The following NLRP12 variants were observed in gnomAD, a reference collection of about 807,000 sequenced individuals.
The protein encoded by NLRP12 is NLR family pyrin domain containing 12.
Under a neutral mutation model 91.2 loss-of-function variants are expected in NLRP12, and 108 were observed. That is an observed-to-expected ratio of 1.18 (90% CI 1.01 to 1.39). The LOEUF is 1.39. NLRP12 is among the 40% of genes most tolerant of loss of function. The pLI is 0.00. For missense variants in NLRP12, 1,530 were observed against 1,352.7 expected, an observed-to-expected ratio of 1.13 and a Z score of -2.06; for synonymous variants, 613 against 566.7, an observed-to-expected ratio of 1.08 and a Z score of -1.16.
At chr19:53,796,071 A>G in intron 8 of NLRP12, 42 bp from the exon 9 acceptor site, 1 of 1,591,880 alleles carries the variant, frequency 6.3e-7, no homozygotes, top group South Asian at 1.1e-5. Context: ...ACCAGGGGCT[A>G]CTTATGTTAT....
At chr19:53,808,863 C>T (rs1288133608) in intron 3 of NLRP12, among the ~76,000 whole-genome samples, 1 of 152,042 alleles carries the variant, frequency 6.6e-6, no homozygotes, top group Non-Finnish European at 1.5e-5. Flanking sequence ...CCTTTATCCA[C>T]TAGATGTCAG....
rs2122661467 is a variant in NLRP12, at chr19:53,809,974, A to C, written c.1685T>G (p.Phe562Cys). ...ERSFLALTSR[F>C]LFGLLNEETR... ...CTCCTCGTTCAGGAGTCCAAACAGG[A>C]AGCGGCTGGTGAGTGCCAGGAAGCT... The change falls in exon 3 of 10, where the codon TTC becomes TGC. Residue 562 changes from phenylalanine to cysteine, a missense_variant. Physicochemically the swap from Phe to Cys is radical, Grantham distance 205. Coordinates refer to ENST00000324134, the MANE Select transcript of NLRP12 (RefSeq NM_144687.4). The C allele has an allele frequency of 6.2e-7, 1 of 1,614,116 alleles. No individual in the cohort carries two copies. Among genetic ancestry groups the C allele is most frequent in the Non-Finnish European group, 8.5e-7 (1 of 1,180,014 alleles).
intron 1 of NLRP12, among the ~76,000 whole-genome samples, chr19:53,818,694 G>A (rs932517414): frequency 6.6e-6 from 1 of 152,008 alleles, no homozygotes; most frequent in African/African-American, 2.4e-5. Context: ...AATAAAAAAG[G>A]TAATTCTTGA....
intron 1 of NLRP12, among the ~76,000 whole-genome samples, chr19:53,819,447 ATATATATATATGTGTG>A (rs1476589604): frequency 5.9e-5 from 1 of 17,090 alleles, no homozygotes; most frequent in Non-Finnish European, 1.4e-4. Context: ...ATATATATAT[ATATATATATATGTGTG>A]TGTGTGTGTG....
rs1690166860 is a variant in NLRP12 at position 53,794,061 on chromosome 19, G to T, written c.3174C>A (p.Asp1058Glu). ...AALRVTKPYL[D>E]IGC ...CAGATAGGACCATTCAGCAGCCAAT[G>T]TCCAAATAAGGTTTTGTTACTCGAA... is the stretch of plus-strand genomic sequence containing the variant. Residue 1058 changes from aspartate (D) to glutamate (E), a missense_variant, in exon 10 of 10, where the codon GAC becomes GAA. By Grantham distance (45) the Asp-to-Glu change is conservative. Coordinates refer to ENST00000324134, the MANE Select transcript of NLRP12 (RefSeq NM_144687.4). The T allele has an allele frequency of 3.7e-6, 6 of 1,612,906 alleles. No homozygotes were observed. Among genetic ancestry groups the T allele is most frequent in the Middle Eastern group, 1.6e-4 (1 of 6,082 alleles).
At chr19:53,822,637 C>T (rs1300882547) in intron 1 of NLRP12, among the ~76,000 whole-genome samples, 4 of 150,238 alleles carry the variant, frequency 2.7e-5, no homozygotes, top group East Asian at 4.0e-4. Context: ...ACTCGGGATG[C>T]TGAGGCAGAA....
intron 1 of NLRP12, among the ~76,000 whole-genome samples, chr19:53,819,145 C>T (rs1401189556): frequency 1.3e-5 from 2 of 152,048 alleles, no homozygotes; most frequent in Non-Finnish European, 2.9e-5. Context: ...ACTTTTGATT[C>T]TATATTTGTA....
rs997190867 is a variant in NLRP12 at position 53,809,888 on chromosome 19, G to C, written c.1771C>G (p.Leu591Val). 18 of 1,614,076 alleles carry C rather than the reference G, an allele frequency of 1.1e-5. No individual in the cohort carries two copies. The highest frequency in any genetic ancestry group is 1.5e-5 in the Non-Finnish European group (18 of 1,180,026). ...WKVSPHIKMD[L>V]LQWIQSKAQS... ...GCTTTGCTTTGGATCCACTGCAACAGGTCCATCTTGATGTGCGGCGAGACC... is the reference window on the plus strand; with the variant it reads ...GCTTTGCTTTGGATCCACTGCAACACGTCCATCTTGATGTGCGGCGAGACC... The change falls in exon 3 of 10, where the codon CTG becomes GTG. Residue 591 changes from leucine to valine, a missense_variant. Leu to Val is a conservative substitution (Grantham distance 32). Transcript: ENST00000324134.
rs923117109 is a variant in NLRP12, at chr19:53,804,393, G to GTTTTTTT, written c.2415-278_2415-272dup. On this transcript the variant is annotated intron_variant, in intron 5 of 9. Transcript: ENST00000324134. ...TTTGTTTGTTTTTTGTTTTTTTTGG[G>GTTTTTTT]TTTTTTTGTTTTTTTTTTTTTTTGA... Among the ~76,000 whole-genome samples, 3 of 114,806 alleles carry GTTTTTTT rather than the reference G, an allele frequency of 2.6e-5. 1 individual carries two copies. The highest frequency in any genetic ancestry group is 1.8e-5 in the Non-Finnish European group (1 of 55,268). The allele number at this position is 114,806 out of a possible 152,430, so 75.3% of individuals were successfully genotyped here. A position where few individuals can be genotyped will look rare whatever the true frequency, so the allele number is the denominator to read the frequency against.
At chr19:53,823,539 A>G (rs1298318960) in intron 1 of NLRP12, among the ~76,000 whole-genome samples, 1 of 142,860 alleles carries the variant, frequency 7.0e-6, no homozygotes, top group African/African-American at 2.6e-5. Flanking sequence ...AAATATATAT[A>G]TTTTAAAAAA....
intron 8 of NLRP12, among the ~76,000 whole-genome samples, chr19:53,797,689 T>C (rs1013013754): frequency 3.9e-5 from 6 of 152,058 alleles, no homozygotes; most frequent in African/African-American, 1.4e-4. Flanking sequence ...AGTGCTGGGA[T>C]TGCAGGCATT....
chr19:53,806,679 C>CAAAAAAAAAAAAAAAAAAA (rs58275455), intron 4 of NLRP12, among the ~76,000 whole-genome samples: 1 of 43,378 alleles, frequency 2.3e-5, no homozygotes, highest in Non-Finnish European at 3.7e-5. Context: ...GACTCCGTCT[C>CAAAAAAAAAAAAAAAAAAA]AAAAAAAAAA....
chr19:53,822,736 TA>T (rs35709423), intron 1 of NLRP12, among the ~76,000 whole-genome samples: 86 of 120,532 alleles, frequency 7.1e-4, no homozygotes, highest in African/African-American at 1.0e-3. Flanking sequence ...GACTCAGTCT[TA>T]AAAAAAAAAA....
Position 53,819,583 on chromosome 19 carries a change from A to G in NLRP12, c.289+4303T>C, listed in dbSNP as rs554315779. Among the ~76,000 whole-genome samples the G allele has an allele frequency of 3.3e-4, 20 of 61,040 alleles. 2 individuals carry two copies. The highest frequency in any genetic ancestry group is 1.0e-3 in the African/African-American group (17 of 16,694). 40.0% of individuals were successfully genotyped at this position (61,040 alleles called of 152,430 possible). A position where few individuals can be genotyped will look rare whatever the true frequency, so the allele number is the denominator to read the frequency against. ...TACGTATATATATGCGTATATATGT[A>G]TGTATACGTATATACGCATATATAT... On this transcript the variant is annotated intron_variant, in intron 1 of 9. Transcript: ENST00000324134.
Position 53,807,607 on chromosome 19 carries a change from T to C in NLRP12, c.2131A>G (p.Thr711Ala). The C allele has an allele frequency of 6.2e-7, 1 of 1,614,120 alleles. No individual in the cohort carries two copies. The highest frequency in any genetic ancestry group is 8.5e-7 in the Non-Finnish European group (1 of 1,180,030). ...GACAGCTCTATCAGGTTTGGATTGG[T>C]GCACAGGGCCGCTGCCAGATGTTCA... ...YSEHLAAALC[T>A]NPNLIELSLY... Residue 711 changes from threonine (T) to alanine (A), a missense_variant, in exon 4 of 10, where the codon ACC becomes GCC. Physicochemically the swap from Thr to Ala is moderately conservative, Grantham distance 58 (BLOSUM62 0). Transcript: ENST00000324134.
Position 53,810,627 on chromosome 19 carries a change from G to T in NLRP12, c.1032C>A (p.Pro344=). 2 of 1,614,062 alleles carry T rather than the reference G, an allele frequency of 1.2e-6. No homozygotes were observed. Among genetic ancestry groups the T allele is most frequent in the South Asian group, 1.1e-5 (1 of 91,082 alleles). The change falls in exon 3 of 10, where the codon CCC becomes CCA. Residue 344 remains proline (P), a synonymous_variant. Transcript: ENST00000324134. ...PELSLLITTR[P]TALEKLHRLL... ...GACGGTGGAGCTTCTCCAAAGCCGT[G>T]GGCCGTGTGGTGATGAGCAAAGATA...
intron 4 of NLRP12, among the ~76,000 whole-genome samples, chr19:53,806,134 T>G (rs1022348964): frequency 6.6e-6 from 1 of 151,914 alleles, no homozygotes; most frequent in African/African-American, 2.4e-5. Flanking sequence ...ATCAGGAGGC[T>G]GAGGCAGGAG....
At chr19:53,823,134 CAT>C (rs2092284144) in intron 1 of NLRP12, among the ~76,000 whole-genome samples, 1 of 149,278 alleles carries the variant, frequency 6.7e-6, no homozygotes, top group East Asian at 1.9e-4. Context: ...CATATATACA[CAT>C]ATATATACGT....
intron 4 of NLRP12, chr19:53,805,683 C>T (rs12610233): frequency 1.1e-5 from 6 of 562,684 alleles, no homozygotes; most frequent in Non-Finnish European, 2.0e-5. Flanking sequence ...ATGCCTGGCT[C>T]ATTTTGGTAT....
Sources: allele counts gnomAD v4.1 joint callset (sites outside exome capture counted in the v4.1 genomes callset), GRCh38; gene constraint gnomAD v4.1.1; transcripts MANE v1.5; gene names NCBI Gene and HGNC (gene_info 2026-07-23, HGNC 2026-07-21).